Variants in MCU observed in about 807,000 individuals in gnomAD.
MCU encodes mitochondrial calcium uniporter.
A neutral mutation model predicts 45.2 loss-of-function variants in MCU; 12 were observed. The observed-to-expected ratio is 0.27, with a 90% CI of 0.17 to 0.43. The LOEUF (loss-of-function observed/expected upper bound fraction) is 0.43, where lower values mean the gene tolerates loss of function less well. Among genes scored for constraint, MCU ranks in the 20% least tolerant of loss-of-function variants. MCU has a pLI of 1.00. For synonymous variants in MCU, 160 were observed against 165.1 expected (o/e 0.97, Z 0.24); for missense variants, 324 against 436.7 (o/e 0.74, Z 2.30).
chr10:72,788,354 G>A (rs1057063185), intron 1 of MCU, among the ~76,000 whole-genome samples: 8 of 152,212 alleles, frequency 5.3e-5, no homozygotes, highest in African/African-American at 1.7e-4. Flanking sequence ...CTAGTGATGA[G>A]TGGCTCATGC....
At chr10:72,859,025 T>G in intron 2 of MCU, 152 bp from the exon 3 acceptor site, 1 of 646,814 alleles carries the variant, frequency 1.5e-6, no homozygotes, top group Non-Finnish European at 2.5e-6. Flanking sequence ...CAGAATAACC[T>G]TCAACTAAAG....
At chr10:72,843,863 C>T (rs890731520) in intron 2 of MCU, among the ~76,000 whole-genome samples, 13 of 152,102 alleles carry the variant, frequency 8.5e-5, no homozygotes, top group African/African-American at 3.1e-4. Context: ...TTTTTCTTCT[C>T]TTGACATTTA....
chr10:72,695,812 G>A (rs1842679009), intron 1 of MCU, among the ~76,000 whole-genome samples: 1 of 151,116 alleles, frequency 6.6e-6, no homozygotes, highest in Admixed American at 6.6e-5. Flanking sequence ...CTGGGCTCAA[G>A]CTCTCCTCCC....
Position 72,821,506 on chromosome 10 carries a change from A to G in MCU, c.151-12853A>G, listed in dbSNP as rs563878795. Among the ~76,000 whole-genome samples, 3 of 152,252 alleles carry G rather than the reference A, an allele frequency of 2.0e-5. No homozygotes were observed. The South Asian group carries it at 6.2e-4, about 32-fold the overall frequency. On this transcript the variant is annotated intron_variant, in intron 1 of 7. Transcript: ENST00000373053. ...TTTCTTTCCAGTCTCAATAAGATTGATATGCATGCCTGAGTTCTTAATATG... is the reference window on the plus strand; with the variant it reads ...TTTCTTTCCAGTCTCAATAAGATTGGTATGCATGCCTGAGTTCTTAATATG...
chr10:72,696,986 C>T (rs540150093), intron 1 of MCU, among the ~76,000 whole-genome samples: 1 of 152,060 alleles, frequency 6.6e-6, no homozygotes, highest in East Asian at 1.9e-4. Context: ...TGACAATAGC[C>T]AGCAAAAGTA....
At chr10:72,849,497 A>G (rs563298917) in intron 2 of MCU, among the ~76,000 whole-genome samples, 47 of 152,192 alleles carry the variant, frequency 3.1e-4, no homozygotes, top group African/African-American at 9.6e-4. Context: ...GGGAGACCCA[A>G]TTTCTAGCAG....
chr10:72,879,858 C>T (rs1845674020), intron 6 of MCU, among the ~76,000 whole-genome samples: 1 of 152,060 alleles, frequency 6.6e-6, no homozygotes, highest in Non-Finnish European at 1.5e-5. Context: ...CCAGCCTGGC[C>T]AACATGGCAA....
chr10:72,862,067 C>T (rs1055607940), intron 4 of MCU, among the ~76,000 whole-genome samples: 12 of 151,046 alleles, frequency 7.9e-5, no homozygotes, highest in African/African-American at 2.4e-4. Context: ...CTGCAAGTTC[C>T]GCCTCCCAGG....
At chr10:72,772,893 T>TTTTG (rs149924655) in intron 1 of MCU, among the ~76,000 whole-genome samples, 6,359 of 149,704 alleles carry the variant, frequency 0.042, 430 homozygotes, top group African/African-American at 0.14. Flanking sequence ...AAATAGCAGG[T>TTTTG]TTTGTTTGTT....
At chr10:72,752,962 C>T (rs1843523777) in intron 1 of MCU, among the ~76,000 whole-genome samples, 1 of 152,162 alleles carries the variant, frequency 6.6e-6, no homozygotes, top group Non-Finnish European at 1.5e-5. Flanking sequence ...ATCATAACAT[C>T]ATAACAGTCT....
intron 1 of MCU, among the ~76,000 whole-genome samples, chr10:72,830,935 C>G (rs982983264): frequency 5.3e-5 from 8 of 152,158 alleles, no homozygotes; most frequent in African/African-American, 1.9e-4. Flanking sequence ...CTTCCAAATC[C>G]TCAAGGAAAG....
chr10:72,783,244 A>G lies in MCU; in HGVS notation c.151-51115A>G, dbSNP rs955340217. On this transcript the variant is annotated intron_variant, in intron 1 of 7. Coordinates refer to ENST00000373053, the MANE Select transcript of MCU (RefSeq NM_138357.3). ...CATACCACCTAGTTACATTATATGT[A>G]GAGCCTCCAGATACTTTAAAATAGA... Among the ~76,000 whole-genome samples, 8 of 152,366 alleles carry G rather than the reference A, an allele frequency of 5.3e-5. No individual in the cohort carries two copies. The East Asian group carries it at 1.5e-3, about 29-fold the overall frequency.
At chr10:72,815,431 T>C (rs1844610247) in intron 1 of MCU, among the ~76,000 whole-genome samples, 1 of 152,234 alleles carries the variant, frequency 6.6e-6, no homozygotes, top group Non-Finnish European at 1.5e-5. Flanking sequence ...ATAATTGATA[T>C]AGAACAATTG....
rs556606431 is a variant in MCU, at chr10:72,757,261, C to T, written c.150+64960C>T. ...GATGGTGAGGTAATGTAGAGATTAG[C>T]AACGGGAATCACCACCACCACCTCC... On this transcript the variant is annotated intron_variant, in intron 1 of 7. Coordinates refer to ENST00000373053, the MANE Select transcript of MCU (RefSeq NM_138357.3). Among the ~76,000 whole-genome samples the T allele has an allele frequency of 3.3e-5, 5 of 152,192 alleles. No individual in the cohort carries two copies. The East Asian group carries it at 9.6e-4, about 29-fold the overall frequency.
At chr10:72,711,438 C>G (rs1564535386) in intron 1 of MCU, among the ~76,000 whole-genome samples, 1 of 151,320 alleles carries the variant, frequency 6.6e-6, no homozygotes, top group Non-Finnish European at 1.5e-5. Flanking sequence ...CCAGGCTAGT[C>G]TTGAACTCCT....
At chr10:72,841,225 AC>A (rs1845042442) in intron 2 of MCU, among the ~76,000 whole-genome samples, 1 of 152,236 alleles carries the variant, frequency 6.6e-6, no homozygotes, top group African/African-American at 2.4e-5. Flanking sequence ...TGTGAAAATT[AC>A]AAAGGCTGTT....
At chr10:72,863,271 T>C (rs1219900567) in intron 4 of MCU, among the ~76,000 whole-genome samples, 1 of 152,230 alleles carries the variant, frequency 6.6e-6, no homozygotes, top group African/African-American at 2.4e-5. Context: ...CTTCTCTGAA[T>C]TTTGCTTCGT....
intron 1 of MCU, among the ~76,000 whole-genome samples, chr10:72,817,009 T>G (rs551533083): frequency 6.6e-6 from 1 of 152,350 alleles, no homozygotes; most frequent in Admixed American, 6.5e-5. Context: ...TGGGCTAGTT[T>G]CCTGCATATT....
At chr10:72,824,298 G>A (rs1265091315) in intron 1 of MCU, among the ~76,000 whole-genome samples, 3 of 150,850 alleles carry the variant, frequency 2.0e-5, no homozygotes, top group Non-Finnish European at 4.4e-5. Flanking sequence ...CCAGGTTCAA[G>A]CGATTCTCTT....
Sources: allele counts gnomAD v4.1 joint callset (sites outside exome capture counted in the v4.1 genomes callset), GRCh38; gene constraint gnomAD v4.1.1; transcripts MANE v1.5; gene names NCBI Gene and HGNC (gene_info 2026-07-23, HGNC 2026-07-21).